The following TAFA5 variants were observed in gnomAD, a reference collection of about 807,000 sequenced individuals.
TAFA5 encodes the protein chemokine-like protein TAFA-5.
Under a neutral mutation model 15.3 loss-of-function variants are expected in TAFA5, and 6 were observed. The observed-to-expected ratio is 0.39, with a 90% confidence interval of 0.21 to 0.77. The LOEUF (loss-of-function observed/expected upper bound fraction) is 0.77, where lower values mean the gene tolerates loss of function less well. Among genes scored for constraint, TAFA5 ranks in the 30% least tolerant of loss-of-function variants. The pLI is 0.41. For synonymous variants in TAFA5, 103 were observed against 80.7 expected (o/e 1.28, Z -1.48); for missense variants, 161 against 193.1 (o/e 0.83, Z 0.98).
At chr22:48,694,529 G>T (rs1271342043) in intron 2 of TAFA5, among the ~76,000 whole-genome samples, 1 of 152,110 alleles carries the variant, frequency 6.6e-6, no homozygotes, top group Admixed American at 6.5e-5. Flanking sequence ...GGGCCTGTTT[G>T]CCTTTTCCTG....
At chr22:48,672,135 C>T (rs1171900332) in intron 2 of TAFA5, among the ~76,000 whole-genome samples, 2 of 152,202 alleles carry the variant, frequency 1.3e-5, no homozygotes, top group African/African-American at 4.8e-5. Context: ...CTCGAAGTTT[C>T]CTTCTCTGAA....
At chr22:48,491,556 T>G (rs1289194663) in intron 1 of TAFA5, among the ~76,000 whole-genome samples, 3 of 152,238 alleles carry the variant, frequency 2.0e-5, no homozygotes, top group African/African-American at 7.2e-5. Flanking sequence ...CTGCTAATTG[T>G]TGCGAAGTAC....
chr22:48,546,200 G>C (rs1031355053), intron 1 of TAFA5, among the ~76,000 whole-genome samples: 3 of 152,228 alleles, frequency 2.0e-5, no homozygotes, highest in Non-Finnish European at 4.4e-5. Context: ...GCGCCTGCAC[G>C]TGGCCAGCAG....
At chr22:48,505,162 G>T (rs554409039) in intron 1 of TAFA5, among the ~76,000 whole-genome samples, 2 of 152,238 alleles carry the variant, frequency 1.3e-5, no homozygotes, top group African/African-American at 2.4e-5. Flanking sequence ...GGTCAGAGGA[G>T]AAGCTTGCCT....
intron 1 of TAFA5, among the ~76,000 whole-genome samples, chr22:48,614,572 G>A (rs73889183): frequency 0.015 from 2,351 of 152,282 alleles, 82 homozygotes; most frequent in African/African-American, 0.053. Flanking sequence ...TCCTTGCCTC[G>A]TGGTTAAAGG....
intron 1 of TAFA5, among the ~76,000 whole-genome samples, chr22:48,570,248 A>G (rs936810512): frequency 1.2e-4 from 19 of 152,224 alleles, no homozygotes; most frequent in African/African-American, 4.1e-4. Context: ...GGCTGCCTTT[A>G]TCTTTGCCTA....
rs560799838 is a variant in TAFA5, at chr22:48,508,177, G to T, written c.112+18473G>T. ...CAGGGAGGTGACTGTCTGTGTGGGG[G>T]CTGCACTGTTCAGCTCGAGGCTGCA... On this transcript the variant is annotated intron_variant, in intron 1 of 3. Transcript: ENST00000402357. Among the ~76,000 whole-genome samples, 32 of 152,298 alleles carry T rather than the reference G, an allele frequency of 2.1e-4. No homozygotes were observed. In the East Asian group the frequency reaches 6.0e-3, roughly 28 times the overall value.
chr22:48,578,719 C>T (rs1601591121), intron 1 of TAFA5, among the ~76,000 whole-genome samples: 1 of 152,226 alleles, frequency 6.6e-6, no homozygotes, highest in African/African-American at 2.4e-5. Context: ...GCCTTCACCA[C>T]CCTGGGTTGA....
At chr22:48,634,744 CTCAT>C (rs1026392229) in intron 1 of TAFA5, among the ~76,000 whole-genome samples, 34 of 133,722 alleles carry the variant, frequency 2.5e-4, no homozygotes, top group African/African-American at 9.7e-4. Context: ...CACTCTCTCA[CTCAT>C]TCATTCACTC....
chr22:48,733,505 A>G (rs75246969), intron 3 of TAFA5, among the ~76,000 whole-genome samples: 2,951 of 152,374 alleles, frequency 0.019, 86 homozygotes, highest in African/African-American at 0.067. Context: ...ACGTTCCGGC[A>G]AATGCAATCA....
chr22:48,632,792 A>G (rs961596846), intron 1 of TAFA5, among the ~76,000 whole-genome samples: 1 of 152,202 alleles, frequency 6.6e-6, no homozygotes, highest in African/African-American at 2.4e-5. Flanking sequence ...TCATCCCTGC[A>G]GAGAGAATTG....
rs143674510 is a variant in TAFA5 at position 48,640,060 on chromosome 22, C to T, written c.113-6537C>T. 1.6e-3 allele frequency among the ~76,000 whole-genome samples: 237 copies of T among 152,340 alleles called. 6 individuals carry two copies. The East Asian group carries it at 0.038, about 25-fold the overall frequency. On this transcript the variant is annotated intron_variant, in intron 1 of 3. Coordinates refer to ENST00000402357, the MANE Select transcript of TAFA5 (RefSeq NM_001082967.3). The stretch of plus-strand genomic sequence containing the variant: ...GTGGGTTGTGGAGGGCGTGCTGCAG[C>T]CCCTGAACCCAGTCCAGCCCCTGCC...
chr22:48,660,567 A>C (rs912984427), intron 2 of TAFA5, among the ~76,000 whole-genome samples: 1 of 152,176 alleles, frequency 6.6e-6, no homozygotes, highest in African/African-American at 2.4e-5. Context: ...TTAGCCGCAA[A>C]ATGCTGTGGC....
intron 1 of TAFA5, among the ~76,000 whole-genome samples, chr22:48,644,015 T>C (rs1926776728): frequency 6.6e-6 from 1 of 152,256 alleles, no homozygotes; most frequent in Non-Finnish European, 1.5e-5. Flanking sequence ...AGATGCGTGT[T>C]GCCCCACAGC....
intron 1 of TAFA5, among the ~76,000 whole-genome samples, chr22:48,593,383 T>C (rs1161815944): frequency 6.6e-6 from 1 of 152,090 alleles, no homozygotes; most frequent in African/African-American, 2.4e-5. Flanking sequence ...AAATTACTGA[T>C]GGTGACCGAT....
intron 1 of TAFA5, among the ~76,000 whole-genome samples, chr22:48,636,257 AG>A (rs1926441617): frequency 6.6e-6 from 1 of 152,238 alleles, no homozygotes; most frequent in Non-Finnish European, 1.5e-5. Context: ...GAGTGAGGGC[AG>A]CCTGGGCCCG....
chr22:48,645,336 GT>G (rs1569061876), intron 1 of TAFA5, among the ~76,000 whole-genome samples: 1 of 152,148 alleles, frequency 6.6e-6, no homozygotes, highest in Non-Finnish European at 1.5e-5. Flanking sequence ...GCCATGCTGC[GT>G]TTTACCAGCA....
chr22:48,649,152 C>T (rs1423420975), intron 2 of TAFA5, among the ~76,000 whole-genome samples: 1 of 152,192 alleles, frequency 6.6e-6, no homozygotes, highest in Non-Finnish European at 1.5e-5. Flanking sequence ...GCATGCCTTG[C>T]CCAGGTCTCA....
intron 1 of TAFA5, among the ~76,000 whole-genome samples, chr22:48,640,520 C>G (rs908061539): frequency 2.0e-5 from 3 of 151,870 alleles, no homozygotes; most frequent in African/African-American, 7.3e-5. Flanking sequence ...CCCTTTTTGG[C>G]TTAGACACAG....
Sources: allele counts gnomAD v4.1 joint callset (sites outside exome capture counted in the v4.1 genomes callset), GRCh38; gene constraint gnomAD v4.1.1; transcripts MANE v1.5; gene names NCBI Gene and HGNC (gene_info 2026-07-23, HGNC 2026-07-21).